The following FAM135B variants were observed in gnomAD, a reference collection of about 807,000 sequenced individuals.
The protein encoded by FAM135B is protein FAM135B.
FAM135B carries 43 observed loss-of-function variants against 127.7 expected under a neutral mutation model. The observed-to-expected ratio is 0.34, with a 90% CI of 0.26 to 0.43. The LOEUF (loss-of-function observed/expected upper bound fraction) is 0.43. Ranked by LOEUF, FAM135B falls within the 20% of genes least tolerant of loss-of-function variation. FAM135B has a pLI of 1.00. For missense variants in FAM135B, 1,558 were observed against 1,725.6 expected (o/e 0.90, Z 1.72); for synonymous variants, 670 against 665.1 (o/e 1.01, Z -0.11).
intron 2 of FAM135B, among the ~76,000 whole-genome samples, chr8:138,316,357 A>G (rs1234554975): frequency 1.3e-5 from 2 of 151,950 alleles, no homozygotes; most frequent in African/African-American, 2.4e-5. Flanking sequence ...AGCCAGGCGC[A>G]GTGGCGGGCG....
chr8:138,482,064 T>A (rs112762975), intron 1 of FAM135B, among the ~76,000 whole-genome samples: 76 of 151,970 alleles, frequency 5.0e-4, no homozygotes, highest in African/African-American at 1.7e-3. Context: ...GGCAGAGGAG[T>A]CCATACCACA....
At chr8:138,210,464 G>A (rs1343593164) in intron 7 of FAM135B, among the ~76,000 whole-genome samples, 1 of 152,144 alleles carries the variant, frequency 6.6e-6, no homozygotes, top group South Asian at 2.1e-4. Context: ...TTGACTCAAA[G>A]TTTGGCAGGC....
chr8:138,156,603 G>C (rs890138280), intron 12 of FAM135B, among the ~76,000 whole-genome samples: 6 of 152,090 alleles, frequency 3.9e-5, no homozygotes, highest in African/African-American at 1.4e-4. Flanking sequence ...AATAAAAAAT[G>C]ATAAAGGGGA....
At chr8:138,225,561 G>T (rs527642198) in intron 7 of FAM135B, among the ~76,000 whole-genome samples, 3 of 152,056 alleles carry the variant, frequency 2.0e-5, no homozygotes, top group African/African-American at 7.2e-5. Flanking sequence ...GTTGTGCAGG[G>T]GTTGGGCAGA....
At chr8:138,156,872 G>A (rs530000572) in intron 12 of FAM135B, among the ~76,000 whole-genome samples, 7 of 152,290 alleles carry the variant, frequency 4.6e-5, no homozygotes, top group African/African-American at 1.7e-4. Context: ...GAGGTACAAG[G>A]AGGAGCTGGT....
At chr8:138,181,357 T>C (rs1194722613) in intron 9 of FAM135B, among the ~76,000 whole-genome samples, 1 of 152,086 alleles carries the variant, frequency 6.6e-6, no homozygotes, top group Non-Finnish European at 1.5e-5. Context: ...GTAAGTGACT[T>C]CTATATAGAT....
rs560380694 is a variant in FAM135B, at chr8:138,381,748, T to C, written c.-19-13746A>G. Among the ~76,000 whole-genome samples the C allele has an allele frequency of 1.3e-4, 20 of 152,328 alleles. No homozygotes were observed. In the South Asian group the frequency reaches 3.9e-3, roughly 30 times the overall value. On this transcript the variant is annotated intron_variant, in intron 1 of 19. Coordinates refer to ENST00000395297, the MANE Select transcript of FAM135B (RefSeq NM_015912.4). ...TAGGACATTAAGACTGATAGAATTATACCCGTCTTATTTTGAATGCATCTT... is the reference window on the plus strand; with the variant it reads ...TAGGACATTAAGACTGATAGAATTACACCCGTCTTATTTTGAATGCATCTT...
chr8:138,399,066 T>C (rs541105477), intron 1 of FAM135B, among the ~76,000 whole-genome samples: 3 of 152,274 alleles, frequency 2.0e-5, no homozygotes, highest in Non-Finnish European at 4.4e-5. Flanking sequence ...GTAAGAATAA[T>C]AATATATATT....
rs145575613 is a variant in FAM135B, at chr8:138,227,594, T to A, written c.669+15348A>T. On this transcript the variant is annotated intron_variant, in intron 7 of 19. Transcript: ENST00000395297. ...AACTGCACAAGCTTAATGTATACAG[T>A]TTGGTGAGTCTGGGCATATGCACAT... Among the ~76,000 whole-genome samples the A allele has an allele frequency of 4.9e-3, 750 of 152,278 alleles. 1 individual carries two copies. Among genetic ancestry groups the A allele is most frequent in the East Asian group, 0.012 (63 of 5,186 alleles).
intron 1 of FAM135B, among the ~76,000 whole-genome samples, chr8:138,390,390 CTT>C (rs1832487765): frequency 6.6e-6 from 1 of 152,098 alleles, no homozygotes; most frequent in Admixed American, 6.5e-5. Flanking sequence ...CTCATTCTCT[CTT>C]GTCTGCCGTC....
intron 1 of FAM135B, among the ~76,000 whole-genome samples, chr8:138,426,421 C>A (rs1328560397): frequency 6.6e-6 from 1 of 151,420 alleles, no homozygotes; most frequent in African/African-American, 2.4e-5. Context: ...TTAGCAATAT[C>A]TACTAAAACT....
intron 11 of FAM135B, among the ~76,000 whole-genome samples, chr8:138,170,804 T>C (rs780568467): frequency 4.6e-5 from 7 of 151,790 alleles, no homozygotes; most frequent in Non-Finnish European, 7.4e-5. Context: ...ATGCAAATTG[T>C]GGGATTGAGT....
At chr8:138,438,459 A>T (rs1835583377) in intron 1 of FAM135B, 1 of 152,164 alleles carries the variant, frequency 6.6e-6, no homozygotes, top group Non-Finnish European at 1.5e-5. Flanking sequence ...CTACAAATCA[A>T]ATTTGAATTG....
rs556261846 is a variant in FAM135B, at chr8:138,326,811, T to G, written c.78-15891A>C. On this transcript the variant is annotated intron_variant, in intron 2 of 19. Transcript: ENST00000395297. ...ATTTGGTTTCTCATGTTAACATTTTTTATGGGGAAGAAATGAGATAAGACA... is the reference window on the plus strand; with the variant it reads ...ATTTGGTTTCTCATGTTAACATTTTGTATGGGGAAGAAATGAGATAAGACA... Among the ~76,000 whole-genome samples the G allele has an allele frequency of 3.3e-5, 5 of 152,248 alleles. No homozygotes were observed. In the South Asian group the frequency reaches 1.0e-3, roughly 32 times the overall value.
At chr8:138,315,263 C>T (rs956082744) in intron 2 of FAM135B, among the ~76,000 whole-genome samples, 2 of 152,090 alleles carry the variant, frequency 1.3e-5, no homozygotes, top group African/African-American at 2.4e-5. Flanking sequence ...AAAACCACAA[C>T]AACATGTCAC....
At chr8:138,146,546 A>T (rs1397561248) in intron 14 of FAM135B, among the ~76,000 whole-genome samples, 1 of 152,110 alleles carries the variant, frequency 6.6e-6, no homozygotes, top group Non-Finnish European at 1.5e-5. Context: ...TCTAAATAGA[A>T]TAGGACTGTC....
chr8:138,297,125 G>A (rs916338677), intron 3 of FAM135B, among the ~76,000 whole-genome samples: 1 of 152,182 alleles, frequency 6.6e-6, no homozygotes, highest in Admixed American at 6.5e-5. Flanking sequence ...CACGTGATCA[G>A]ACGTATGCAT....
chr8:138,444,038 A>T (rs748118951), intron 1 of FAM135B, among the ~76,000 whole-genome samples: 1 of 152,172 alleles, frequency 6.6e-6, no homozygotes, highest in Non-Finnish European at 1.5e-5. Flanking sequence ...ACGAACAAAG[A>T]TCAAAGAGAC....
intron 2 of FAM135B, among the ~76,000 whole-genome samples, chr8:138,365,915 A>T (rs1830701992): frequency 6.6e-6 from 1 of 152,248 alleles, no homozygotes; most frequent in South Asian, 2.1e-4. Context: ...GGTCCTCCAC[A>T]TCAATCTGGA....
Sources: allele counts gnomAD v4.1 joint callset (sites outside exome capture counted in the v4.1 genomes callset), GRCh38; gene constraint gnomAD v4.1.1; transcripts MANE v1.5; gene names NCBI Gene and HGNC (gene_info 2026-07-23, HGNC 2026-07-21).